The following CCDC157 variants were observed in gnomAD, a reference collection of about 807,000 sequenced individuals.
CCDC157 encodes the protein coiled-coil domain containing 157, also known as coiled-coil domain-containing protein 157.
CCDC157 carries 60 observed loss-of-function variants against 70.9 expected under a neutral mutation model. The ratio of observed to expected loss-of-function variants is 0.85; its 90% CI spans 0.69 to 1.05. CCDC157 has a LOEUF of 1.05. CCDC157 is among the 50% of genes least tolerant of loss of function. The pLI is 0.00. For synonymous variants in CCDC157, 373 were observed against 422.4 expected (o/e 0.88, Z 1.43); for missense variants, 943 against 984.2 (o/e 0.96, Z 0.56).
intron 7 of CCDC157, chr22:30,372,903 G>C (rs1440985786): frequency 6.5e-6 from 1 of 153,398 alleles, no homozygotes; most frequent in Non-Finnish European, 1.5e-5. Context: ...ATGGGCCCAG[G>C]GTAGGGGAAG....
At position 30,370,502 on chromosome 22, in the gene CCDC157, A is replaced by G; in HGVS notation, c.597A>G (p.Pro199=). The change falls in exon 5 of 12, where the codon CCA becomes CCG. Residue 199 remains proline, a synonymous_variant. Coordinates refer to ENST00000338306, the MANE Select transcript of CCDC157 (RefSeq NM_001017437.5). ...CTGTCAGAGCCTCCCTGCAGTTCCC[A>G]GCCACGACCTTCAAGAACACCAGGA... The part of the protein sequence containing the change: ...SIPVRASLQF[P]ATTFKNTRSV... The G allele has an allele frequency of 1.9e-6, 3 of 1,614,106 alleles. No individual in the cohort carries two copies. The highest frequency in any genetic ancestry group is 2.5e-6 in the Non-Finnish European group (3 of 1,180,030).
At position 30,375,511 on chromosome 22, in the gene CCDC157, A is replaced by T. The variant is rs574584364; in HGVS notation, c.1705A>T (p.Thr569Ser). 5 of 1,614,160 alleles carry T rather than the reference A, an allele frequency of 3.1e-6. No homozygotes were observed. The highest frequency in any genetic ancestry group is 2.2e-5 in the South Asian group (2 of 91,074). ...ATCCAGCAGCGTGGAATCCCAGATA[A>T]CATGTCCCACAGACTCTGGCAACGT... ...GRSSSVESQI[T>S]CPTDSGNVTD... The change falls in exon 10 of 12, where the codon ACA (threonine) becomes TCA (serine). Residue 569 changes from threonine to serine, a missense_variant. Thr to Ser is a moderately conservative substitution (Grantham distance 58). Coordinates refer to ENST00000338306, the MANE Select transcript of CCDC157 (RefSeq NM_001017437.5).
upstream of CCDC157, chr22:30,356,960 T>A (rs1013860828): frequency 4.7e-5 from 25 of 530,348 alleles, no homozygotes; most frequent in Non-Finnish European, 7.2e-5. Flanking sequence ...CCCCTCGCCG[T>A]GACGCGCTTC....
intron 6 of CCDC157, 72 bp from the exon 7 acceptor site, chr22:30,372,003 C>A: frequency 9.6e-7 from 1 of 1,036,654 alleles, no homozygotes; most frequent in Non-Finnish European, 1.4e-6. Context: ...GGGATGTGAG[C>A]TCCCGTCCTA....
chr22:30,365,442 C>T (rs1447642533), intron 2 of CCDC157, among the ~76,000 whole-genome samples: 4 of 151,990 alleles, frequency 2.6e-5, no homozygotes, highest in Non-Finnish European at 4.4e-5. Flanking sequence ...CAGGGAGTAC[C>T]GAGGCACTGT....
chr22:30,372,472 C>G, intron 7 of CCDC157, 186 bp downstream of exon 7: 2 of 818,860 alleles, frequency 2.4e-6, no homozygotes, highest in East Asian at 2.8e-5. Flanking sequence ...GAACAGTGAC[C>G]CAGGGACTGA....
At chr22:30,371,849 G>T in intron 6 of CCDC157, 122 bp downstream of exon 6, 2 of 943,844 alleles carry the variant, frequency 2.1e-6, no homozygotes, top group South Asian at 1.4e-5. Flanking sequence ...AGCCACAGGA[G>T]GGTGGGCCTG....
chr22:30,376,235 C>T (rs1215597282), intron 10 of CCDC157, 24 bp from the exon 11 acceptor site: 1 of 1,458,444 alleles, frequency 6.9e-7, no homozygotes, highest in Non-Finnish European at 9.6e-7. Context: ...CCTTATAAGA[C>T]TGGCTTTTTT....
rs201925551 is a variant in CCDC157, at chr22:30,374,038, G to A, written c.1619G>A (p.Arg540Gln). The A allele has an allele frequency of 3.2e-5, 51 of 1,607,180 alleles. No homozygotes were observed. The highest frequency in any genetic ancestry group is 4.1e-5 in the Non-Finnish European group (48 of 1,177,570). The part of the protein sequence containing the change: ...RELEELKERE[R>Q]LLVAFPDLHR... ...CTGGAGGAGCTGAAGGAGCGGGAGC[G>A]GCTGCTGGTGGCCTTCCCAGACCTG... Residue 540 changes from arginine (R) to glutamine (Q), a missense_variant, in exon 9 of 12, where the codon CGG (arginine) becomes CAG (glutamine). Physicochemically the swap from Arg to Gln is conservative, Grantham distance 43 (BLOSUM62 1). Transcript: ENST00000338306.
chr22:30,374,042 G>T lies in CCDC157; in HGVS notation c.1623G>T (p.Leu541=), dbSNP rs1569193304. 1.9e-6 allele frequency: 3 copies of T among 1,607,378 alleles called. No homozygotes were observed. The Admixed American group carries it at 5.1e-5, about 27-fold the overall frequency. Residue 541 remains leucine, a synonymous_variant, in exon 9 of 12, where the codon CTG becomes CTT. Coordinates refer to ENST00000338306, the MANE Select transcript of CCDC157 (RefSeq NM_001017437.5). ...AGGAGCTGAAGGAGCGGGAGCGGCT[G>T]CTGGTGGCCTTCCCAGACCTGCACA... ...ELEELKERER[L]LVAFPDLHRP...
Position 30,378,198 on chromosome 22 carries a change from TC to T in CCDC157, c.*1456del. ...TGCTGAATCCCCCACATGCTTCAAA[TC>T]CCTGACTTCCTCCTCTTCTACCAGC... On this transcript the variant is annotated 3_prime_UTR_variant, in exon 12 of 12. Transcript: ENST00000338306. 2.1e-6 allele frequency: 1 copy of T among 470,270 alleles called. No homozygotes were observed. The highest frequency in any genetic ancestry group is 4.4e-6 in the Non-Finnish European group (1 of 226,436). 29.1% of individuals were successfully genotyped at this position (470,270 alleles called of 1,614,324 possible). A position where few individuals can be genotyped will look rare whatever the true frequency, so the allele number is the denominator to read the frequency against.
chr22:30,367,872 G>A (rs1475575079), intron 3 of CCDC157, among the ~76,000 whole-genome samples: 1 of 152,056 alleles, frequency 6.6e-6, no homozygotes, highest in Non-Finnish European at 1.5e-5. Flanking sequence ...CGAACAGGGT[G>A]AAACCCCGTC....
rs542062276 is a variant in CCDC157, at chr22:30,370,390, G to A, written c.485G>A (p.Ser162Asn). The A allele has an allele frequency of 1.5e-5, 24 of 1,614,122 alleles. No homozygotes were observed. The South Asian group carries it at 1.9e-4, about 13-fold the overall frequency. The change falls in exon 5 of 12, where the codon AGC (serine) becomes AAC (asparagine). Residue 162 changes from serine (S) to asparagine (N), a missense_variant. Physicochemically the swap from Ser to Asn is conservative, Grantham distance 46. Coordinates refer to ENST00000338306, the MANE Select transcript of CCDC157 (RefSeq NM_001017437.5). ...ACCACCAAGGGCGAGCCAGCCAGGA[G>A]CCCTGAATATCTGACTACCAAGTTA... ...KPTTKGEPARSPEYLTTKLIK... is the reference protein window; with the variant it reads ...KPTTKGEPARNPEYLTTKLIK...
At position 30,377,716 on chromosome 22, in the gene CCDC157, G is replaced by A; in HGVS notation, c.*971G>A. 1 of 182,418 alleles carries A rather than the reference G, an allele frequency of 5.5e-6. No individual in the cohort carries two copies. The highest frequency in any genetic ancestry group is 1.1e-4 in the South Asian group (1 of 9,100). The allele number at this position is 182,418 out of a possible 1,614,324, so 11.3% of individuals were successfully genotyped here. The stretch of plus-strand genomic sequence containing the variant: ...GCTTCTGAGGGGCCTGGGAGTTCCT[G>A]AGGGAGGCTGGGGTGCCCCGGGCAC... On this transcript the variant is annotated 3_prime_UTR_variant, in exon 12 of 12. Transcript: ENST00000338306.
chr22:30,374,670 C>T, intron 9 of CCDC157: 1 of 456,800 alleles, frequency 2.2e-6, no homozygotes. Flanking sequence ...ATCATCCAGG[C>T]CCTTCTGTCC....
In CCDC157 at chr22:30,357,080, C is replaced by T. The variant is rs1261581112; in HGVS notation, c.-218C>T. 4 of 337,874 alleles carry T rather than the reference C, an allele frequency of 1.2e-5. No individual in the cohort carries two copies. Among genetic ancestry groups the T allele is most frequent in the Non-Finnish European group, 2.1e-5 (4 of 186,916 alleles). 20.9% of individuals were successfully genotyped at this position (337,874 alleles called of 1,614,324 possible). Reference sequence around the variant, plus strand: ...CCGGTGGCCGCAGGCGCACCGGGGGCAGTTCCGGGAGCCGACCAGACACGA... The same window carrying T: ...CCGGTGGCCGCAGGCGCACCGGGGGTAGTTCCGGGAGCCGACCAGACACGA... On this transcript the variant is annotated 5_prime_UTR_variant, in exon 1 of 12. Coordinates refer to ENST00000338306, the MANE Select transcript of CCDC157 (RefSeq NM_001017437.5).
intron 11 of CCDC157, 26 bp from the exon 12 acceptor site, chr22:30,376,407 G>C: frequency 1.9e-6 from 3 of 1,613,876 alleles, no homozygotes; most frequent in Non-Finnish European, 2.5e-6. Flanking sequence ...CATTCACAGG[G>C]GATCTTGGAT....
At position 30,357,086 on chromosome 22, in the gene CCDC157, C is replaced by T; in HGVS notation, c.-212C>T. 1 of 327,958 alleles carries T rather than the reference C, an allele frequency of 3.0e-6. No individual in the cohort carries two copies. Among genetic ancestry groups the T allele is most frequent in the Non-Finnish European group, 5.5e-6 (1 of 180,580 alleles). 20.3% of individuals were successfully genotyped at this position (327,958 alleles called of 1,614,324 possible). On this transcript the variant is annotated 5_prime_UTR_variant, in exon 1 of 12. Transcript: ENST00000338306. ...GCCGCAGGCGCACCGGGGGCAGTTC[C>T]GGGAGCCGACCAGACACGAAGGCTG...
upstream of CCDC157, chr22:30,356,764 G>A (rs1375663376): frequency 6.8e-6 from 10 of 1,479,276 alleles, no homozygotes; most frequent in Non-Finnish European, 9.0e-6. Context: ...CGGCGGCGGG[G>A]GCACCGCCTG....
Sources: gnomAD v4.1 joint callset for allele counts (sites outside exome capture counted in the v4.1 genomes callset) on GRCh38, gnomAD v4.1.1 for gene constraint, MANE v1.5 for transcripts, NCBI Gene and HGNC (gene_info 2026-07-23, HGNC 2026-07-21) for gene names.